TEX11: variants seen among roughly 807,000 people sequenced by gnomAD.
The protein encoded by TEX11 is testis-expressed protein 11.
Under a neutral mutation model 84.4 loss-of-function variants are expected in TEX11, and 7 were observed. That is an observed-to-expected ratio of 0.08 (90% confidence interval 0.05 to 0.16). The LOEUF is 0.16. Among genes scored for constraint, TEX11 ranks in the 10% least tolerant of loss-of-function variants. The probability of loss-of-function intolerance (pLI) is 1.00; values close to 1 mark genes in which losing one functional copy is unlikely to be tolerated. For synonymous variants in TEX11, 264 were observed against 222.8 expected (o/e 1.18, Z -1.64); for missense variants, 551 against 660.5 (o/e 0.83, Z 1.82).
At chrX:70,895,906 A>G (rs914973475) in intron 2 of TEX11, among the ~76,000 whole-genome samples, 1 of 112,555 alleles carries the variant, frequency 8.9e-6, no homozygotes, top group Admixed American at 9.5e-5. Context: ...TAAAACCTAA[A>G]ACCATAAAAG....
Position 70,711,703 on chromosome X carries a change from G to T in TEX11, c.1004+10915C>A, listed in dbSNP as rs759856055. 2.0e-3 allele frequency among the ~76,000 whole-genome samples: 227 copies of T among 111,547 alleles called. 1 individual carries two copies. Among genetic ancestry groups the T allele is most frequent in the African/African-American group, 7.3e-3 (224 of 30,723 alleles). ...TCTGGATATTAGCCCTTTGTCAGAT[G>T]AGTAGATTGCAAAAATTTTCTCCCA... On this transcript the variant is annotated intron_variant, in intron 13 of 29. Coordinates refer to ENST00000374333, the MANE Select transcript of TEX11 (RefSeq NM_031276.3).
chrX:70,756,155 C>A (rs2090866381), intron 9 of TEX11, among the ~76,000 whole-genome samples: 3 of 112,812 alleles, frequency 2.7e-5, no homozygotes, highest in Non-Finnish European at 3.8e-5. Context: ...AGGCCTACTG[C>A]CTTGCTGTAG....
chrX:70,577,591 C>G (rs1299424119), intron 25 of TEX11, among the ~76,000 whole-genome samples: 1 of 110,942 alleles, frequency 9.0e-6, no homozygotes, highest in East Asian at 2.8e-4. Flanking sequence ...CAGTAAGAGA[C>G]AGAAAACAGG....
Position 70,711,973 on chromosome X carries a change from G to A in TEX11, c.1004+10645C>T, listed in dbSNP as rs139609251. On this transcript the variant is annotated intron_variant, in intron 13 of 29. Transcript: ENST00000374333. Reference sequence around the variant, plus strand: ...TCTTGAATTAATTTTAGTATAAGGTGTAAGGAAGGGATCCAATTTCAGCTT... The same window carrying A: ...TCTTGAATTAATTTTAGTATAAGGTATAAGGAAGGGATCCAATTTCAGCTT... 5.0e-3 allele frequency among the ~76,000 whole-genome samples: 563 copies of A among 111,758 alleles called. 4 individuals carry two copies. The highest frequency in any genetic ancestry group is 0.017 in the African/African-American group (534 of 30,804).
intron 7 of TEX11, among the ~76,000 whole-genome samples, chrX:70,851,080 C>A (rs897631047): frequency 1.4e-4 from 16 of 111,402 alleles, no homozygotes; most frequent in Non-Finnish European, 1.9e-5. Flanking sequence ...TTCTGTACAC[C>A]AATTGAAAAG....
chrX:70,754,479 T>C (rs1412705681), intron 9 of TEX11, among the ~76,000 whole-genome samples: 2 of 111,786 alleles, frequency 1.8e-5, no homozygotes, highest in Non-Finnish European at 3.8e-5. Context: ...CTCTAGTCCC[T>C]GGCTCCCAAA....
chrX:70,578,309 G>A (rs1162013228), intron 25 of TEX11, among the ~76,000 whole-genome samples: 1 of 111,881 alleles, frequency 8.9e-6, no homozygotes, highest in Non-Finnish European at 1.9e-5. Context: ...GTGATTATAT[G>A]GTTTGACCAT....
intron 9 of TEX11, among the ~76,000 whole-genome samples, chrX:70,792,233 A>G (rs2091123053): frequency 1.2e-5 from 1 of 84,116 alleles, no homozygotes; most frequent in Admixed American, 1.4e-4. Flanking sequence ...GGTTGCAGTG[A>G]GCCAAGATGG....
intron 9 of TEX11, among the ~76,000 whole-genome samples, chrX:70,753,955 G>A (rs1482322860): frequency 2.7e-5 from 3 of 110,571 alleles, no homozygotes; most frequent in Non-Finnish European, 5.7e-5. Context: ...CAGGTCCTAC[G>A]TCGAGGACTT....
chrX:70,722,862 G>A (rs2090571169), intron 12 of TEX11, among the ~76,000 whole-genome samples, 166 bp from the exon 13 acceptor site: 1 of 111,935 alleles, frequency 8.9e-6, no homozygotes, highest in Non-Finnish European at 1.9e-5. Context: ...AACATCCAGT[G>A]CTGGAGAGTG....
intron 9 of TEX11, among the ~76,000 whole-genome samples, chrX:70,747,648 C>T (rs12012823): frequency 0.11 from 11,883 of 111,240 alleles, 738 homozygotes; most frequent in Admixed American, 0.26. Context: ...TTTATAATTA[C>T]GTCCAAAGAA....
intron 11 of TEX11, among the ~76,000 whole-genome samples, chrX:70,735,368 T>C (rs982164397): frequency 1.8e-5 from 2 of 111,974 alleles, no homozygotes; most frequent in African/African-American, 3.2e-5. Flanking sequence ...TATGATCTTG[T>C]ATACAGAAAA....
intron 13 of TEX11, among the ~76,000 whole-genome samples, chrX:70,695,186 C>T (rs2090269552): frequency 8.9e-6 from 1 of 112,213 alleles, no homozygotes; most frequent in Non-Finnish European, 1.9e-5. Flanking sequence ...ATGCTCACAG[C>T]AGCTTTATTT....
intron 25 of TEX11, among the ~76,000 whole-genome samples, chrX:70,586,962 T>C (rs2088860623): frequency 8.9e-6 from 1 of 111,870 alleles, no homozygotes. Context: ...CAGGCTGACA[T>C]AATCTCACAT....
At chrX:70,788,903 A>T (rs1415683909) in intron 9 of TEX11, among the ~76,000 whole-genome samples, 2 of 88,609 alleles carry the variant, frequency 2.3e-5, no homozygotes, top group Non-Finnish European at 2.2e-5. Context: ...GGGAGAAAGT[A>T]TTTCTAATCC....
At chrX:70,658,006 C>T (rs1335427616) in intron 16 of TEX11, among the ~76,000 whole-genome samples, 1 of 105,179 alleles carries the variant, frequency 9.5e-6, no homozygotes, top group Non-Finnish European at 2.0e-5. Flanking sequence ...AGCACACCAG[C>T]ATGGCACATG....
chrX:70,750,011 G>A (rs1027997141), intron 9 of TEX11, among the ~76,000 whole-genome samples: 19 of 110,509 alleles, frequency 1.7e-4, no homozygotes, highest in Middle Eastern at 4.6e-3. Context: ...GAAAATTTTC[G>A]CAACCTACTC....
At position 70,729,303 on chromosome X, in the gene TEX11, C is replaced by A. The variant is rs1251374241; in HGVS notation, c.844-3960G>T. ...GCTCCTTACCAGCAACAGAACAAAG[C>A]TGGATGGAGAATGACTTTGACGAGT... is the stretch of plus-strand genomic sequence containing the variant. On this transcript the variant is annotated intron_variant, in intron 11 of 29. Transcript: ENST00000374333. Among the ~76,000 whole-genome samples the A allele has an allele frequency of 1.3e-4, 15 of 112,435 alleles. No homozygotes were observed. The Admixed American group carries it at 1.4e-3, about 11-fold the overall frequency.
intron 13 of TEX11, among the ~76,000 whole-genome samples, chrX:70,714,481 T>A (rs369036831): frequency 6.3e-5 from 7 of 111,780 alleles, no homozygotes; most frequent in East Asian, 5.6e-4. Flanking sequence ...TGCTCCTGTA[T>A]TGGGTGCATA....
Sources: gnomAD v4.1 joint callset for allele counts (sites outside exome capture counted in the v4.1 genomes callset) on GRCh38, gnomAD v4.1.1 for gene constraint, MANE v1.5 for transcripts, NCBI Gene and HGNC (gene_info 2026-07-23, HGNC 2026-07-21) for gene names.